STYX: variants seen among roughly 807,000 people sequenced by gnomAD.
STYX encodes the protein serine/threonine/tyrosine-interacting protein.
In STYX, 20 loss-of-function variants were observed where a neutral mutation model predicts 42.7. That is an observed-to-expected ratio of 0.47 (90% CI 0.33 to 0.68). STYX has a LOEUF of 0.68. STYX is among the 30% of genes least tolerant of loss of function. The pLI is 0.02. For missense variants in STYX, 226 were observed against 268.5 expected (o/e 0.84, Z 1.11); for synonymous variants, 78 against 81.9 (o/e 0.95, Z 0.26).
rs1035237436 is a variant in STYX at position 52,771,479 on chromosome 14, T to G, written c.*373T>G. The G allele has an allele frequency of 2.5e-5, 4 of 158,422 alleles. No individual in the cohort carries two copies. The highest frequency in any genetic ancestry group is 7.2e-5 in the African/African-American group (3 of 41,630). The allele number at this position is 158,422 out of a possible 1,614,324, so 9.8% of individuals were successfully genotyped here. On this transcript the variant is annotated 3_prime_UTR_variant, in exon 11 of 11. Coordinates refer to ENST00000354586, the MANE Select transcript of STYX (RefSeq NM_145251.4). ...TAAACAAAATGCAAGTATGGGGGGATTGTTTATAAAGTTTGGGTAATTTAT... is the reference window on the plus strand; with the variant it reads ...TAAACAAAATGCAAGTATGGGGGGAGTGTTTATAAAGTTTGGGTAATTTAT...
intron 4 of STYX, among the ~76,000 whole-genome samples, chr14:52,753,709 A>G (rs1383037783): frequency 6.6e-6 from 1 of 151,496 alleles, no homozygotes; most frequent in African/African-American, 2.4e-5. Flanking sequence ...TTTTATTTTT[A>G]TTATTTTTAG....
intron 1 of STYX, among the ~76,000 whole-genome samples, chr14:52,742,030 T>C (rs1377123980): frequency 2.0e-5 from 3 of 152,178 alleles, no homozygotes; most frequent in Non-Finnish European, 4.4e-5. Flanking sequence ...CTAGAGAATA[T>C]GCATTTGCTT....
chr14:52,742,610 AT>A (rs1437097241), intron 1 of STYX, among the ~76,000 whole-genome samples: 2 of 152,320 alleles, frequency 1.3e-5, no homozygotes, highest in Admixed American at 1.3e-4. Flanking sequence ...TAGAAAAGGC[AT>A]TTCAGTGTGC....
chr14:52,734,982 G>A (rs1341452178), intron 1 of STYX, among the ~76,000 whole-genome samples: 1 of 151,958 alleles, frequency 6.6e-6, no homozygotes, highest in Non-Finnish European at 1.5e-5. Context: ...GCATGAACCC[G>A]GGAGGCGGAG....
At chr14:52,757,816 C>G in intron 7 of STYX, 34 bp downstream of exon 7, 1 of 1,612,708 alleles carries the variant, frequency 6.2e-7, no homozygotes, top group East Asian at 2.2e-5. Flanking sequence ...CTTTCTATAA[C>G]ATTTAATTAA....
intron 1 of STYX, 152 bp downstream of exon 1, chr14:52,730,683 C>CA (rs1435380016): frequency 1.3e-6 from 1 of 770,860 alleles, no homozygotes; most frequent in East Asian, 2.7e-5. Context: ...CGGTCGGCTC[C>CA]AATCCCCACT....
chr14:52,742,679 CA>C (rs1329986054), intron 1 of STYX, among the ~76,000 whole-genome samples: 2 of 151,820 alleles, frequency 1.3e-5, no homozygotes, highest in African/African-American at 4.8e-5. Context: ...AGAAATGAAA[CA>C]AAAAGTGGAT....
Position 52,773,077 on chromosome 14 carries a change from T to A in STYX, c.*1971T>A, listed in dbSNP as rs1164281960. 2 of 152,164 alleles carry A rather than the reference T, an allele frequency of 1.3e-5. No homozygotes were observed. 9.4% of individuals were successfully genotyped at this position (152,164 alleles called of 1,614,324 possible). A position where few individuals can be genotyped will look rare whatever the true frequency, so the allele number is the denominator to read the frequency against. ...TTAGCAGAAACTCTGCTTAAAAGAATCTTCATAATAGTAAGTTTAGGTTTT... is the reference window on the plus strand; with the variant it reads ...TTAGCAGAAACTCTGCTTAAAAGAAACTTCATAATAGTAAGTTTAGGTTTT... On this transcript the variant is annotated 3_prime_UTR_variant, in exon 11 of 11. Coordinates refer to ENST00000354586, the MANE Select transcript of STYX (RefSeq NM_145251.4).
intron 3 of STYX, among the ~76,000 whole-genome samples, chr14:52,748,162 C>T (rs1881466150): frequency 6.6e-6 from 1 of 152,108 alleles, no homozygotes. Context: ...CTAAAAACAA[C>T]AACAAAAAAT....
At chr14:52,756,493 T>TA in intron 4 of STYX, 58 bp from the exon 5 acceptor site, 1 of 991,280 alleles carries the variant, frequency 1.0e-6, no homozygotes, top group South Asian at 1.5e-5. Context: ...GTTATTTTTT[T>TA]AAAGTACCTT....
Position 52,770,264 on chromosome 14 carries a change from A to G in STYX, c.599-769A>G, listed in dbSNP as rs1882460724. On this transcript the variant is annotated intron_variant, in intron 10 of 10. Transcript: ENST00000354586. ...ATCTTTATGAATTTTATAGTGAAAC[A>G]TTCTTCAATTAGAATATGCCCTCTG... Among the ~76,000 whole-genome samples the G allele has an allele frequency of 3.3e-5, 5 of 152,158 alleles. No homozygotes were observed. The South Asian group carries it at 1.0e-3, about 32-fold the overall frequency.
At chr14:52,740,107 T>A (rs1282183661) in intron 1 of STYX, among the ~76,000 whole-genome samples, 1 of 152,068 alleles carries the variant, frequency 6.6e-6, no homozygotes, top group African/African-American at 2.4e-5. Context: ...TGAAACCCCA[T>A]CTCTACTAAA....
rs777136474 is a variant in STYX at position 52,768,931 on chromosome 14, C to T, written c.596C>T (p.Thr199Ile). 2 of 1,561,770 alleles carry T rather than the reference C, an allele frequency of 1.3e-6. No individual in the cohort carries two copies. The highest frequency in any genetic ancestry group is 1.7e-6 in the Non-Finnish European group (2 of 1,158,674). ...ERSLSVHSGT[T>I]GSLKRTHEEE... is the part of the protein sequence containing the mutation. ...TCATTATCTGTTCATTCTGGTACCA[C>T]AGGTAAGGATTTTTTTCTTTTTGGA... Residue 199 changes from threonine to isoleucine, a missense_variant and splice_region_variant, in exon 10 of 11, where the codon ACA becomes ATA. Thr to Ile is a moderately conservative substitution (Grantham distance 89). Coordinates refer to ENST00000354586, the MANE Select transcript of STYX (RefSeq NM_145251.4).
At chr14:52,766,541 C>G (rs1229498926) in intron 9 of STYX, among the ~76,000 whole-genome samples, 1 of 152,094 alleles carries the variant, frequency 6.6e-6, no homozygotes, top group African/African-American at 2.4e-5. Context: ...CTCCTGGGCT[C>G]AAGCGATCCT....
At chr14:52,752,337 T>C (rs1881651452) in intron 4 of STYX, among the ~76,000 whole-genome samples, 1 of 151,848 alleles carries the variant, frequency 6.6e-6, no homozygotes, top group Non-Finnish European at 1.5e-5. Flanking sequence ...TGGTGGCACA[T>C]GCCTGTAGTC....
chr14:52,760,013 C>T (rs1444882745), intron 9 of STYX, among the ~76,000 whole-genome samples: 1 of 151,830 alleles, frequency 6.6e-6, no homozygotes, highest in Non-Finnish European at 1.5e-5. Context: ...GCCTGAGCAA[C>T]AAAGTGAGAC....
intron 1 of STYX, among the ~76,000 whole-genome samples, chr14:52,735,013 A>C (rs935101055): frequency 5.3e-5 from 8 of 151,734 alleles, no homozygotes; most frequent in African/African-American, 1.9e-4. Flanking sequence ...GCCGAGATCT[A>C]GCCACTGCAC....
In STYX at chr14:52,767,855, A is replaced by G. The variant is rs1000391986; in HGVS notation, c.505-985A>G. ...TTTTAAAGTGCCTCAGGTGATTCTC[A>G]TGTATATCCAGGCTAGAATTGCTGA... On this transcript the variant is annotated intron_variant, in intron 9 of 10. Transcript: ENST00000354586. Among the ~76,000 whole-genome samples, 11 of 152,316 alleles carry G rather than the reference A, an allele frequency of 7.2e-5. No homozygotes were observed. In the South Asian group the frequency reaches 2.3e-3, roughly 32 times the overall value.
chr14:52,745,009 T>C (rs944001962), intron 2 of STYX, 125 bp downstream of exon 2: 40 of 702,108 alleles, frequency 5.7e-5, no homozygotes, highest in African/African-American at 9.4e-5. Flanking sequence ...TTTTAAATAA[T>C]TATTTTAAAT....
Sources: allele counts gnomAD v4.1 joint callset (sites outside exome capture counted in the v4.1 genomes callset), GRCh38; gene constraint gnomAD v4.1.1; transcripts MANE v1.5; gene names NCBI Gene and HGNC (gene_info 2026-07-23, HGNC 2026-07-21).